The following GSE1 variants were observed in gnomAD, a reference collection of about 807,000 sequenced individuals.
The protein encoded by GSE1 is genetic suppressor element 1.
In GSE1, 32 loss-of-function variants were observed where a neutral mutation model predicts 112.6. The ratio of observed to expected loss-of-function variants is 0.28; its 90% CI spans 0.21 to 0.38. The LOEUF (loss-of-function observed/expected upper bound fraction) is 0.38, where lower values mean the gene tolerates loss of function less well. Among genes scored for constraint, GSE1 ranks in the 10% least tolerant of loss-of-function variants. The probability of loss-of-function intolerance (pLI) is 1.00; values close to 1 mark genes in which losing one functional copy is unlikely to be tolerated. For synonymous variants in GSE1, 1,115 were observed against 735.6 expected (o/e 1.52, Z -8.35); for missense variants, 2,348 against 1,699.2 (o/e 1.38, Z -6.71).
intron 2 of GSE1, among the ~76,000 whole-genome samples, chr16:85,402,464 C>T (rs1597612971): frequency 6.6e-6 from 1 of 152,306 alleles, no homozygotes; most frequent in East Asian, 1.9e-4. Flanking sequence ...AGGGCCGGGG[C>T]CATGCTGAGT....
At chr16:85,388,329 T>TGTATGGCTGGGTAGATGGGTGAGTGGATG (rs1208326396) in intron 2 of GSE1, among the ~76,000 whole-genome samples, 2 of 78,286 alleles carry the variant, frequency 2.6e-5, no homozygotes, top group South Asian at 5.0e-4. Flanking sequence ...GATGGATGGA[T>TGTATGGCTGGGTAGATGGGTGAGTGGATG]GAATGGATGT....
intron 3 of GSE1, among the ~76,000 whole-genome samples, chr16:85,649,551 G>A (rs1367581638): frequency 6.6e-6 from 1 of 152,212 alleles, no homozygotes; most frequent in Non-Finnish European, 1.5e-5. Context: ...GCCTGCCTGT[G>A]TGGAAGGAGC....
chr16:85,171,105 G>C (rs1456213399), exon 1 of GSE1: 1 of 985,686 alleles, frequency 1.0e-6, no homozygotes, highest in Non-Finnish European at 1.2e-6. Context: ...GCCCCAACAA[G>C]CGCTGTGAAG....
chr16:85,502,931 C>T (rs567530543), intron 2 of GSE1, among the ~76,000 whole-genome samples: 17 of 152,016 alleles, frequency 1.1e-4, no homozygotes, highest in South Asian at 6.2e-4. Flanking sequence ...AGACAGAATG[C>T]GTGGCGGGAG....
intron 1 of GSE1, among the ~76,000 whole-genome samples, chr16:85,200,117 C>G (rs1242219522): frequency 6.6e-6 from 1 of 152,114 alleles, no homozygotes; most frequent in Non-Finnish European, 1.5e-5. Flanking sequence ...TTTTCCTTCA[C>G]CCGCTTGCTG....
chr16:85,571,600 C>T (rs1427308209), intron 1 of GSE1, among the ~76,000 whole-genome samples: 3 of 152,212 alleles, frequency 2.0e-5, no homozygotes, highest in Non-Finnish European at 4.4e-5. Flanking sequence ...TCTTGAGAGC[C>T]TAGTGGGGAG....
chr16:85,583,947 A>AAGCC (rs1411092778), intron 1 of GSE1, among the ~76,000 whole-genome samples: 2 of 152,302 alleles, frequency 1.3e-5, no homozygotes, highest in African/African-American at 4.8e-5. Context: ...CGCTGTTTCA[A>AAGCC]AGCCAGCGTT....
chr16:85,291,671 C>T (rs1429412087), intron 1 of GSE1, among the ~76,000 whole-genome samples: 1 of 152,152 alleles, frequency 6.6e-6, no homozygotes, highest in Non-Finnish European at 1.5e-5. Flanking sequence ...CCCAGCTGGG[C>T]CCCTGACCCC....
intron 1 of GSE1, among the ~76,000 whole-genome samples, chr16:85,575,022 T>C (rs904234443): frequency 6.6e-6 from 1 of 152,198 alleles, no homozygotes; most frequent in African/African-American, 2.4e-5. Flanking sequence ...ATCCCCTCGC[T>C]GGGGAGCGGC....
chr16:85,466,855 T>G (rs1165648022), intron 2 of GSE1, among the ~76,000 whole-genome samples: 1 of 151,792 alleles, frequency 6.6e-6, no homozygotes, highest in Non-Finnish European at 1.5e-5. Flanking sequence ...GGGTGAGGAG[T>G]TCGAGACCAG....
intron 8 of GSE1, among the ~76,000 whole-genome samples, chr16:85,658,853 C>A (rs1454171197): frequency 3.3e-5 from 5 of 152,206 alleles, no homozygotes; most frequent in Non-Finnish European, 4.4e-5. Flanking sequence ...TGTGACTTTG[C>A]CCACCCATGG....
chr16:85,397,393 G>A (rs9929764), intron 2 of GSE1, among the ~76,000 whole-genome samples: 4,146 of 152,292 alleles, frequency 0.027, 188 homozygotes, highest in African/African-American at 0.093. Flanking sequence ...TCCTGCGGGC[G>A]GTGTGTCCCC....
chr16:85,521,680 C>T (rs527318796), intron 2 of GSE1, among the ~76,000 whole-genome samples: 13 of 152,338 alleles, frequency 8.5e-5, no homozygotes, highest in African/African-American at 2.9e-4. Context: ...TGAGTAGCGG[C>T]TAAGGGGTTT....
intron 1 of GSE1, among the ~76,000 whole-genome samples, chr16:85,577,514 C>G (rs1470032970): frequency 6.6e-6 from 1 of 152,206 alleles, no homozygotes; most frequent in Non-Finnish European, 1.5e-5. Context: ...TGAGCGCCTA[C>G]TCTATGCAGT....
intron 2 of GSE1, among the ~76,000 whole-genome samples, chr16:85,448,054 C>T (rs983631274): frequency 6.6e-5 from 10 of 152,210 alleles, no homozygotes; most frequent in African/African-American, 1.7e-4. Flanking sequence ...TGGCAGCCAG[C>T]GAGGGCTCAT....
At chr16:85,238,512 T>C (rs1208879810) in intron 1 of GSE1, among the ~76,000 whole-genome samples, 1 of 152,054 alleles carries the variant, frequency 6.6e-6, no homozygotes, top group Admixed American at 6.6e-5. Flanking sequence ...CCTCGGCGTG[T>C]GTCCTGGGAA....
In GSE1 at chr16:85,235,427, A is replaced by ATTGTGT. The variant is rs574126768; in HGVS notation, c.2283+63620_2283+63621insTTGTGT. The stretch of plus-strand genomic sequence containing the variant: ...GGGGTGAGGGGGGTGATGGAAGGGT[A>ATTGTGT]CTGTGTGTGTGTGTGTGTGTGTGTG... On this transcript the variant is annotated intron_variant, in intron 1 of 2. Coordinates refer to the GSE1 transcript ENST00000637419. Among the ~76,000 whole-genome samples, 345 of 65,002 alleles carry ATTGTGT rather than the reference A, an allele frequency of 5.3e-3. 3 individuals carry two copies. The highest frequency in any genetic ancestry group is 7.6e-3 in the Non-Finnish European group (242 of 31,668). The allele number at this position is 65,002 out of a possible 152,430, so 42.6% of individuals were successfully genotyped here. A position where few individuals can be genotyped will look rare whatever the true frequency, so the allele number is the denominator to read the frequency against.
Position 85,419,615 on chromosome 16 carries a change from A to G in GSE1, c.2464+61972A>G, listed in dbSNP as rs1439080059. On this transcript the variant is annotated intron_variant, in intron 2 of 2. Coordinates refer to the GSE1 transcript ENST00000637419. This position sits in a 1 kb window ranked among gnomAD's most constrained non-coding sequence, Gnocchi z 6.5. ...AGCAAGGCTGTGTCTCAAAAAAAAAAAACAAAAAACAAAAAACAAAAAATA... is the reference window on the plus strand; with the variant it reads ...AGCAAGGCTGTGTCTCAAAAAAAAAGAACAAAAAACAAAAAACAAAAAATA... Among the ~76,000 whole-genome samples the G allele has an allele frequency of 6.6e-6, 1 of 151,900 alleles. No homozygotes were observed. The highest frequency in any genetic ancestry group is 1.9e-4 in the East Asian group (1 of 5,184).
chr16:85,608,058 G>A (rs1439547575), upstream of GSE1, among the ~76,000 whole-genome samples: 1 of 152,224 alleles, frequency 6.6e-6, no homozygotes, highest in Non-Finnish European at 1.5e-5. Flanking sequence ...GACGCAACCT[G>A]GAGAGATGAA....
Sources: gnomAD v4.1 joint callset for allele counts (sites outside exome capture counted in the v4.1 genomes callset) on GRCh38, gnomAD v4.1.1 for gene constraint, Gnocchi (gnomAD v3.1) non-coding constraint, MANE v1.5 for transcripts, NCBI Gene and HGNC (gene_info 2026-07-23, HGNC 2026-07-21) for gene names.